The following PPARGC1A variants were observed in gnomAD, a reference collection of about 807,000 sequenced individuals.
The protein encoded by PPARGC1A is peroxisome proliferator-activated receptor gamma coactivator 1-alpha.
PPARGC1A carries 25 observed loss-of-function variants against 88.7 expected under a neutral mutation model. That is an observed-to-expected ratio of 0.28 (90% CI 0.21 to 0.39). The LOEUF is 0.39. Ranked by LOEUF, PPARGC1A falls within the 10% of genes least tolerant of loss-of-function variation. The probability of loss-of-function intolerance (pLI) is 1.00; values close to 1 mark genes in which losing one functional copy is unlikely to be tolerated. For missense variants in PPARGC1A, 880 were observed against 968.7 expected, an observed-to-expected ratio of 0.91 and a Z score of 1.22; for synonymous variants, 363 against 355.6, an observed-to-expected ratio of 1.02 and a Z score of -0.24.
At chr4:24,021,104 C>G in the PPARGC1A span, among the ~76,000 whole-genome samples, 1 of 152,366 alleles carries the variant, frequency 6.6e-6, no homozygotes, top group Middle Eastern at 3.4e-3. Flanking sequence ...GGCCTTGAAG[C>G]AGGGTTCCTG....
intron 10 of PPARGC1A, among the ~76,000 whole-genome samples, chr4:23,810,569 T>A (rs1256973988): frequency 6.6e-6 from 1 of 152,200 alleles, no homozygotes; most frequent in South Asian, 2.1e-4. Flanking sequence ...TTTATTAATA[T>A]CTGGCACTTA....
chr4:23,846,595 T>C (rs1328981263), intron 2 of PPARGC1A, among the ~76,000 whole-genome samples: 1 of 152,180 alleles, frequency 6.6e-6, no homozygotes, highest in Non-Finnish European at 1.5e-5. Flanking sequence ...ACAAGCTTCC[T>C]GGGACTAGGA....
the PPARGC1A span, among the ~76,000 whole-genome samples, chr4:24,202,133 C>T: frequency 6.6e-6 from 1 of 152,162 alleles, no homozygotes; most frequent in Non-Finnish European, 1.5e-5. Flanking sequence ...CCGCCTCAGC[C>T]TTCCAAACCG....
the PPARGC1A span, among the ~76,000 whole-genome samples, chr4:24,085,840 G>T: frequency 6.6e-6 from 1 of 152,136 alleles, no homozygotes; most frequent in Non-Finnish European, 1.5e-5. Flanking sequence ...GATCCAGGCT[G>T]CTTGGGTCTC....
At chr4:24,410,915 T>C in the PPARGC1A span, among the ~76,000 whole-genome samples, 1 of 152,204 alleles carries the variant, frequency 6.6e-6, no homozygotes, top group Non-Finnish European at 1.5e-5. Context: ...GATCCACCAC[T>C]GGCTTCCTTG....
At chr4:23,975,035 C>T in the PPARGC1A span, among the ~76,000 whole-genome samples, 18 of 151,680 alleles carry the variant, frequency 1.2e-4, no homozygotes, top group South Asian at 3.6e-3. Context: ...TGGCTACGGG[C>T]GCAGCACAAA....
chr4:24,387,248 G>A, the PPARGC1A span, among the ~76,000 whole-genome samples: 2 of 151,938 alleles, frequency 1.3e-5, no homozygotes, highest in African/African-American at 2.4e-5. Context: ...AACTCAAGAT[G>A]GATTAAAGAC....
the PPARGC1A span, among the ~76,000 whole-genome samples, chr4:24,336,326 C>G: frequency 6.6e-6 from 1 of 152,182 alleles, no homozygotes; most frequent in South Asian, 2.1e-4. Flanking sequence ...ACATCTCGAG[C>G]TGGGATATTT....
chr4:24,006,057 T>C, the PPARGC1A span, among the ~76,000 whole-genome samples: 3 of 152,090 alleles, frequency 2.0e-5, no homozygotes, highest in Non-Finnish European at 2.9e-5. Context: ...GTTGGTTTTG[T>C]TTTGCTTTTT....
At chr4:24,167,733 A>G in the PPARGC1A span, among the ~76,000 whole-genome samples, 1 of 152,106 alleles carries the variant, frequency 6.6e-6, no homozygotes, top group Admixed American at 6.6e-5. Flanking sequence ...TTTTAGCAAG[A>G]AAGATTTTTT....
the PPARGC1A span, among the ~76,000 whole-genome samples, chr4:24,430,455 G>T: frequency 6.6e-6 from 1 of 151,688 alleles, no homozygotes; most frequent in African/African-American, 2.4e-5. Context: ...TAGAGACGGG[G>T]TTTCACCGTG....
chr4:23,802,181 A>G (rs1718880843), intron 11 of PPARGC1A, 43 bp downstream of exon 11: 1 of 1,613,044 alleles, frequency 6.2e-7, no homozygotes, highest in Non-Finnish European at 8.5e-7. Flanking sequence ...AATTTTTTAC[A>G]TACGTCAGCT....
chr4:24,090,974 A>G, the PPARGC1A span, among the ~76,000 whole-genome samples: 1 of 152,220 alleles, frequency 6.6e-6, no homozygotes, highest in South Asian at 2.1e-4. Flanking sequence ...CAGAGCTTCT[A>G]CCTATTATGA....
intron 2 of PPARGC1A, among the ~76,000 whole-genome samples, chr4:23,854,814 T>C (rs1034321336): frequency 1.3e-5 from 2 of 151,916 alleles, no homozygotes; most frequent in African/African-American, 4.8e-5. Context: ...CCCAGATGGA[T>C]GAATGAGAAG....
the PPARGC1A span, among the ~76,000 whole-genome samples, chr4:24,371,798 A>G: frequency 6.6e-6 from 1 of 151,514 alleles, no homozygotes; most frequent in Admixed American, 6.6e-5. Context: ...AAAAAAAAAA[A>G]AAATTGGGCA....
At chr4:24,277,372 T>C in the PPARGC1A span, among the ~76,000 whole-genome samples, 2 of 152,140 alleles carry the variant, frequency 1.3e-5, no homozygotes, top group Admixed American at 1.3e-4. Flanking sequence ...TCTCCAAATA[T>C]ACAGTGGGCC....
intron 1 of PPARGC1A, among the ~76,000 whole-genome samples, chr4:23,886,874 AC>A (rs1300388981): frequency 1.2e-3 from 162 of 137,406 alleles, no homozygotes; most frequent in Admixed American, 2.6e-3. Context: ...AAAAAAAAAA[AC>A]ATGAACAACA....
chr4:24,182,503 G>T, the PPARGC1A span, among the ~76,000 whole-genome samples: 2 of 152,108 alleles, frequency 1.3e-5, no homozygotes, highest in African/African-American at 4.8e-5. Context: ...AATCCTTTGG[G>T]TATATACCCA....
the PPARGC1A span, among the ~76,000 whole-genome samples, chr4:24,053,345 T>C: frequency 6.6e-6 from 1 of 152,142 alleles, no homozygotes; most frequent in Non-Finnish European, 1.5e-5. Context: ...TAGTTTTAAG[T>C]TGTGCAATGA....
Sources: allele counts gnomAD v4.1 joint callset (sites outside exome capture counted in the v4.1 genomes callset), GRCh38; gene constraint gnomAD v4.1.1; transcripts MANE v1.5; gene names NCBI Gene and HGNC (gene_info 2026-07-23, HGNC 2026-07-21).